KIAA1217: variants seen among roughly 807,000 people sequenced by gnomAD.
KIAA1217 encodes the protein sickle tail protein homolog.
In KIAA1217, 88 loss-of-function variants were observed where a neutral mutation model predicts 163.9. The ratio of observed to expected loss-of-function variants is 0.54; its 90% CI spans 0.45 to 0.64. KIAA1217 has a LOEUF of 0.64. Ranked by LOEUF, KIAA1217 falls within the 30% of genes least tolerant of loss-of-function variation. The probability of loss-of-function intolerance (pLI) is 0.00; values close to 1 mark genes in which losing one functional copy is unlikely to be tolerated. For missense variants in KIAA1217, 2,372 were observed against 2,475.0 expected (o/e 0.96, Z 0.88); for synonymous variants, 903 against 923.1 (o/e 0.98, Z 0.39).
At chr10:23,948,746 G>A (rs910390839) in intron 1 of KIAA1217, among the ~76,000 whole-genome samples, 5 of 152,032 alleles carry the variant, frequency 3.3e-5, no homozygotes, top group African/African-American at 1.2e-4. Flanking sequence ...ATGGCACGTG[G>A]TAGGCATTCA....
intron 2 of KIAA1217, among the ~76,000 whole-genome samples, chr10:24,312,652 C>T (rs566363521): frequency 2.0e-5 from 3 of 151,920 alleles, no homozygotes; most frequent in African/African-American, 7.2e-5. Flanking sequence ...CATGGCGGCT[C>T]ATGTCTGTAA....
chr10:24,409,997 C>CTTTTTTTTTTTTTTTTTTTTTTT (rs71397947), intron 3 of KIAA1217, among the ~76,000 whole-genome samples: 7 of 123,868 alleles, frequency 5.7e-5, no homozygotes, highest in African/African-American at 9.2e-5. Context: ...TTTCTTTTTT[C>CTTTTTTTTTTTTTTTTTTTTTTT]TTTTTTTTTT....
At chr10:24,232,633 A>G (rs537319980) in intron 2 of KIAA1217, among the ~76,000 whole-genome samples, 10 of 152,216 alleles carry the variant, frequency 6.6e-5, no homozygotes, top group Admixed American at 3.3e-4. Flanking sequence ...AAAAAGACCA[A>G]TGTGATTCAG....
At chr10:23,945,053 T>C (rs111513900) in intron 1 of KIAA1217, among the ~76,000 whole-genome samples, 24,476 of 139,872 alleles carry the variant, frequency 0.17, 4,667 homozygotes, top group African/African-American at 0.49. Flanking sequence ...AACAAGACTC[T>C]ATCTCAAAAA....
chr10:24,400,649 C>T lies in KIAA1217; in HGVS notation c.553+19582C>T, dbSNP rs145649654. Among the ~76,000 whole-genome samples the T allele has an allele frequency of 9.9e-5, 15 of 152,242 alleles. No individual in the cohort carries two copies. The East Asian group carries it at 2.3e-3, about 23-fold the overall frequency. ...TAGAGACAATCACACCAAGCCTATA[C>T]ATTAACCTAAAAGTAATCAGGATCA... On this transcript the variant is annotated intron_variant, in intron 3 of 20. Coordinates refer to ENST00000376454, the MANE Select transcript of KIAA1217 (RefSeq NM_019590.5).
At chr10:23,886,570 G>A (rs762865829) in intron 1 of KIAA1217, among the ~76,000 whole-genome samples, 51 of 151,932 alleles carry the variant, frequency 3.4e-4, no homozygotes, top group Non-Finnish European at 6.0e-4. Flanking sequence ...TCGCTAGGGC[G>A]CAGCAGAGAG....
At chr10:24,442,179 A>G (rs373197447) in intron 5 of KIAA1217, among the ~76,000 whole-genome samples, 169 of 151,994 alleles carry the variant, frequency 1.1e-3, no homozygotes, top group African/African-American at 3.8e-3. Context: ...CCCCTCTTCT[A>G]CTGATCTTTG....
intron 1 of KIAA1217, among the ~76,000 whole-genome samples, chr10:23,784,209 AATTTTTGACTTAAAATAT>A (rs1217906900): frequency 6.6e-6 from 1 of 152,076 alleles, no homozygotes; most frequent in Non-Finnish European, 1.5e-5. Flanking sequence ...TTCTTGTGAC[AATTTTTGACTTAAAATAT>A]ATTTTGTCTA....
At chr10:24,389,869 G>A (rs988465467) in intron 3 of KIAA1217, among the ~76,000 whole-genome samples, 5 of 151,718 alleles carry the variant, frequency 3.3e-5, no homozygotes, top group South Asian at 2.1e-4. Flanking sequence ...CCCAGGGCAC[G>A]GCCACCAGCT....
At chr10:24,066,640 G>A (rs552590123) in intron 2 of KIAA1217, among the ~76,000 whole-genome samples, 7 of 152,218 alleles carry the variant, frequency 4.6e-5, no homozygotes, top group African/African-American at 1.7e-4. Flanking sequence ...CTCTTCTCGA[G>A]GAGTATCTTT....
Position 24,084,055 on chromosome 10 carries a change from T to G in KIAA1217, c.-171+76681T>G, listed in dbSNP as rs571010564. ...GCTCTCCCTCTGGTCTGGAACACTG[T>G]TTCTCCAGGTATCTGCATATTTCAC... is the stretch of plus-strand genomic sequence containing the variant. On this transcript the variant is annotated intron_variant, in intron 2 of 18. Transcript: ENST00000376462. 2.0e-4 allele frequency among the ~76,000 whole-genome samples: 31 copies of G among 152,306 alleles called. No individual in the cohort carries two copies. The South Asian group carries it at 5.8e-3, about 29-fold the overall frequency.
intron 2 of KIAA1217, among the ~76,000 whole-genome samples, chr10:24,037,861 T>C (rs1265704431): frequency 6.6e-6 from 1 of 152,246 alleles, no homozygotes; most frequent in Non-Finnish European, 1.5e-5. Flanking sequence ...TTTCCTTTTT[T>C]GCTTTGGTGC....
At chr10:24,021,313 A>G (rs1847721228) in intron 2 of KIAA1217, among the ~76,000 whole-genome samples, 1 of 151,976 alleles carries the variant, frequency 6.6e-6, no homozygotes, top group Non-Finnish European at 1.5e-5. Context: ...CCAGCAATCA[A>G]CGATTGAAAC....
intron 2 of KIAA1217, among the ~76,000 whole-genome samples, chr10:24,054,108 T>G (rs180733760): frequency 1.3e-5 from 2 of 152,336 alleles, no homozygotes; most frequent in African/African-American, 4.8e-5. Flanking sequence ...AAGGCTGTGG[T>G]TCCACGGGGT....
rs1354470769 is a variant in KIAA1217 at position 23,790,524 on chromosome 10, C to CATATGT, written c.-321+95294_-321+95295insGTATAT. 4.5e-4 allele frequency among the ~76,000 whole-genome samples: 47 copies of CATATGT among 104,168 alleles called. 1 individual carries two copies. Among genetic ancestry groups the CATATGT allele is most frequent in the Non-Finnish European group, 6.4e-4 (36 of 56,436 alleles). 68.3% of individuals were successfully genotyped at this position (104,168 alleles called of 152,430 possible). ...GTGCATATATACATATGTATATATA[C>CATATGT]ATATATACATATACATGTGCATATA... On this transcript the variant is annotated intron_variant, in intron 1 of 18. Coordinates refer to the KIAA1217 transcript ENST00000376462.
At position 24,436,454 on chromosome 10, in the gene KIAA1217, T is replaced by A. The variant is rs555534833; in HGVS notation, c.753-1932T>A. ...GTAGAAGAAATTTTCACCACCAGCA[T>A]TATATAAGACAAAAAAAAAAAAGGC... On this transcript the variant is annotated intron_variant, in intron 4 of 20. Coordinates refer to ENST00000376454, the MANE Select transcript of KIAA1217 (RefSeq NM_019590.5). 5.2e-5 allele frequency among the ~76,000 whole-genome samples: 7 copies of A among 134,778 alleles called. No homozygotes were observed. The South Asian group carries it at 1.7e-3, about 34-fold the overall frequency. The allele number at this position is 134,778 out of a possible 152,430, so 88.4% of individuals were successfully genotyped here.
intron 2 of KIAA1217, among the ~76,000 whole-genome samples, chr10:24,312,905 A>G (rs2042893514): frequency 6.6e-6 from 1 of 152,120 alleles, no homozygotes; most frequent in African/African-American, 2.4e-5. Flanking sequence ...GACAGCGCAC[A>G]TCCTTGTCTC....
chr10:23,941,719 T>G (rs117607402), intron 1 of KIAA1217, among the ~76,000 whole-genome samples: 3,164 of 152,216 alleles, frequency 0.021, 60 homozygotes, highest in Admixed American at 0.063. Context: ...GGCAGGTGAA[T>G]GATTTAAAAA....
chr10:23,763,363 T>C lies in KIAA1217; in HGVS notation c.-321+68129T>C, dbSNP rs551715652. ...CATCACACTACCTGACTTCAAACTA[T>C]ACTACAAGGCTACAGTAACCAAAAC... On this transcript the variant is annotated intron_variant, in intron 1 of 18. Coordinates refer to the KIAA1217 transcript ENST00000376462. 1.2e-4 allele frequency among the ~76,000 whole-genome samples: 18 copies of C among 152,292 alleles called. No homozygotes were observed. The South Asian group carries it at 1.5e-3, about 12-fold the overall frequency.
Sources: allele counts gnomAD v4.1 joint callset (sites outside exome capture counted in the v4.1 genomes callset), GRCh38; gene constraint gnomAD v4.1.1; transcripts MANE v1.5; gene names NCBI Gene and HGNC (gene_info 2026-07-23, HGNC 2026-07-21).